Variants in CDH12 observed in about 807,000 individuals in gnomAD.
CDH12 encodes the protein cadherin 12, also known as cadherin-12.
CDH12 carries 41 observed loss-of-function variants against 74.1 expected under a neutral mutation model. The observed-to-expected ratio is 0.55, with a 90% confidence interval of 0.43 to 0.72. The LOEUF is 0.72. CDH12 is among the 30% of genes least tolerant of loss of function. The probability of loss-of-function intolerance (pLI) is 0.00; values close to 1 mark genes in which losing one functional copy is unlikely to be tolerated. For missense variants in CDH12, 945 were observed against 977.2 expected, an observed-to-expected ratio of 0.97 and a Z score of 0.44; for synonymous variants, 399 against 355.0, an observed-to-expected ratio of 1.12 and a Z score of -1.39.
intron 2 of CDH12, among the ~76,000 whole-genome samples, chr5:22,494,902 G>A (rs998716478): frequency 2.0e-5 from 3 of 152,238 alleles, no homozygotes; most frequent in African/African-American, 2.4e-5. Flanking sequence ...ACATTCATGC[G>A]TACCTTTAAT....
intron 1 of CDH12, among the ~76,000 whole-genome samples, chr5:22,682,139 C>T (rs1741527952): frequency 6.6e-6 from 1 of 152,058 alleles, no homozygotes; most frequent in African/African-American, 2.4e-5. Context: ...CATATGTAAT[C>T]TGGTTTACGC....
intron 2 of CDH12, among the ~76,000 whole-genome samples, chr5:22,502,637 T>TACACAC (rs796169904): frequency 1.4e-5 from 2 of 145,316 alleles, no homozygotes; most frequent in African/African-American, 4.9e-5. Flanking sequence ...CAGTCATCTT[T>TACACAC]ACACACACAC....
rs557057403 is a variant in CDH12, at chr5:22,614,002, GTCT to G, written c.-522-108641_-522-108639del. On this transcript the variant is annotated intron_variant, in intron 1 of 14. Transcript: ENST00000382254. ...TATATGAAGTGACAGTCTGGCTCCT[GTCT>G]TCTTCTTCACATATTTTGCTATGCA... Among the ~76,000 whole-genome samples, 126 of 152,080 alleles carry G rather than the reference GTCT, an allele frequency of 8.3e-4. No individual in the cohort carries two copies. In the South Asian group the frequency reaches 0.025, roughly 30 times the overall value.
intron 3 of CDH12, among the ~76,000 whole-genome samples, chr5:22,221,859 C>T (rs1044622729): frequency 6.6e-6 from 1 of 151,860 alleles, no homozygotes; most frequent in Non-Finnish European, 1.5e-5. Flanking sequence ...GTATATAATT[C>T]AAAATTCTCC....
chr5:21,760,753 T>C lies in CDH12; in HGVS notation c.1516-78A>G. The C allele has an allele frequency of 3.5e-6, 3 of 851,674 alleles. No individual in the cohort carries two copies. In the Admixed American group the frequency reaches 5.8e-5, roughly 16 times the overall value. The allele number at this position is 851,674 out of a possible 1,614,324, so 52.8% of individuals were successfully genotyped here. A position where few individuals can be genotyped will look rare whatever the true frequency, so the allele number is the denominator to read the frequency against. On this transcript the variant is annotated intron_variant, in intron 12 of 14. Transcript: ENST00000382254. Reference sequence around the variant, plus strand: ...ACAGCAGGCTACTAAATGTATTTAATGAAGCATGCAAGTAGACAGAAATGG... The same window carrying C: ...ACAGCAGGCTACTAAATGTATTTAACGAAGCATGCAAGTAGACAGAAATGG...
chr5:21,942,514 G>T, intron 6 of CDH12, among the ~76,000 whole-genome samples: 1 of 151,032 alleles, frequency 6.6e-6, no homozygotes, highest in East Asian at 1.9e-4. Flanking sequence ...TATAATACTA[G>T]TTATATAAAT....
intron 5 of CDH12, among the ~76,000 whole-genome samples, chr5:22,025,735 C>T (rs1738303723): frequency 6.6e-6 from 1 of 152,134 alleles, no homozygotes; most frequent in Non-Finnish European, 1.5e-5. Context: ...CAAACCCTGC[C>T]TCCCCTTTAT....
chr5:22,280,114 T>C (rs1736811129), intron 3 of CDH12, among the ~76,000 whole-genome samples: 1 of 152,228 alleles, frequency 6.6e-6, no homozygotes, highest in Non-Finnish European at 1.5e-5. Context: ...GATTTGCATT[T>C]CTCTGATGTC....
rs556422921 is a variant in CDH12, at chr5:21,985,860, A to G, written c.232-10475T>C. ...TTATAGATGAAAGAAGATCAGACCC[A>G]AAGATGATCTATAACTCTGCCTGAG... is the stretch of plus-strand genomic sequence containing the variant. On this transcript the variant is annotated intron_variant, in intron 5 of 14. Coordinates refer to ENST00000382254, the MANE Select transcript of CDH12 (RefSeq NM_004061.5). Among the ~76,000 whole-genome samples, 435 of 152,296 alleles carry G rather than the reference A, an allele frequency of 2.9e-3. 1 individual carries two copies. The highest frequency in any genetic ancestry group is 5.1e-3 in the Non-Finnish European group (347 of 68,010).
At chr5:22,410,661 G>C (rs759062960) in intron 2 of CDH12, among the ~76,000 whole-genome samples, 3 of 152,030 alleles carry the variant, frequency 2.0e-5, no homozygotes, top group Non-Finnish European at 4.4e-5. Flanking sequence ...TAATTAATCT[G>C]CCTTTTGCAA....
intron 4 of CDH12, among the ~76,000 whole-genome samples, chr5:22,119,246 G>T (rs930863388): frequency 6.8e-6 from 1 of 148,018 alleles, no homozygotes; most frequent in Non-Finnish European, 1.5e-5. Context: ...TATTGCTAAA[G>T]AACAGTGTAA....
chr5:22,030,442 G>A lies in CDH12; in HGVS notation c.231+48004C>T, dbSNP rs1738736681. ...GGGTGACCAGGTGCATTGTGAATGA[G>A]CAGTAATATTTTGATAGGAACCTTA... On this transcript the variant is annotated intron_variant, in intron 5 of 14. Coordinates refer to ENST00000382254, the MANE Select transcript of CDH12 (RefSeq NM_004061.5). 3.9e-5 allele frequency among the ~76,000 whole-genome samples: 6 copies of A among 152,208 alleles called. No homozygotes were observed. The South Asian group carries it at 1.2e-3, about 32-fold the overall frequency.
chr5:22,766,309 C>A (rs1223095027), intron 1 of CDH12, among the ~76,000 whole-genome samples: 2 of 152,054 alleles, frequency 1.3e-5, no homozygotes, highest in East Asian at 1.9e-4. Flanking sequence ...TGCATAAGAA[C>A]TTTTCTCATA....
At chr5:22,753,787 G>A (rs1346862087) in intron 1 of CDH12, among the ~76,000 whole-genome samples, 1 of 151,666 alleles carries the variant, frequency 6.6e-6, no homozygotes, top group African/African-American at 2.4e-5. Flanking sequence ...TTCTCTTTTG[G>A]TCCTCTAAAT....
chr5:22,369,729 A>C (rs1474803333), intron 3 of CDH12, among the ~76,000 whole-genome samples: 1 of 152,198 alleles, frequency 6.6e-6, no homozygotes, highest in Non-Finnish European at 1.5e-5. Context: ...GCAATTTGCT[A>C]AATTTGAAGA....
chr5:21,779,014 A>G (rs934030182), intron 11 of CDH12, among the ~76,000 whole-genome samples: 2 of 152,086 alleles, frequency 1.3e-5, no homozygotes, highest in Non-Finnish European at 2.9e-5. Context: ...ACTTTTTTCA[A>G]TATAGCATTT....
chr5:21,854,214 C>T (rs1399195145), intron 7 of CDH12, among the ~76,000 whole-genome samples: 2 of 151,604 alleles, frequency 1.3e-5, no homozygotes, highest in Non-Finnish European at 1.5e-5. Context: ...TCTCTCCTTT[C>T]TCCCACTATA....
intron 5 of CDH12, among the ~76,000 whole-genome samples, chr5:21,998,622 T>C (rs1247208271): frequency 1.3e-5 from 2 of 152,164 alleles, no homozygotes; most frequent in African/African-American, 4.8e-5. Flanking sequence ...ATTGGCTGGG[T>C]AAAGTTTCAC....
chr5:22,025,444 G>A (rs1738283996), intron 5 of CDH12, among the ~76,000 whole-genome samples: 1 of 152,114 alleles, frequency 6.6e-6, no homozygotes, highest in East Asian at 1.9e-4. Flanking sequence ...CACACACTAA[G>A]GTGCATTTAA....
Sources: allele counts gnomAD v4.1 joint callset (sites outside exome capture counted in the v4.1 genomes callset), GRCh38; gene constraint gnomAD v4.1.1; transcripts MANE v1.5; gene names NCBI Gene and HGNC (gene_info 2026-07-23, HGNC 2026-07-21).